TENM4: variants seen among roughly 807,000 people sequenced by gnomAD.
TENM4 encodes teneurin transmembrane protein 4.
TENM4 carries 82 observed loss-of-function variants against 243.3 expected under a neutral mutation model. The observed-to-expected ratio is 0.34, with a 90% CI of 0.28 to 0.40. TENM4 has a LOEUF of 0.40. Ranked by LOEUF, TENM4 falls within the 10% of genes least tolerant of loss-of-function variation. The pLI is 1.00. For synonymous variants in TENM4, 1,412 were observed against 1,456.3 expected (o/e 0.97, Z 0.69); for missense variants, 3,138 against 3,673.3 (o/e 0.85, Z 3.77).
rs374968391 is a variant in TENM4, at chr11:78,903,428, T to G, written c.589A>C (p.Ile197Leu). ...AAGTTGCCCCGGTTCAGGGAGTTAA[T>G]GGAGGCCGCGTGGTGCTGGTTGGGG... ...HTPNQHHAAS[I>L]NSLNRGNFTP... Residue 197 changes from isoleucine to leucine, a missense_variant, in exon 7 of 34, where the codon ATT becomes CTT. This residue lies in a region of TENM4 where 671 missense variants were observed against 614.1 expected (regional missense o/e 1.09). Transcript: ENST00000278550. 1.8e-3 allele frequency: 2,748 copies of G among 1,547,258 alleles called. 56 individuals are homozygous for G. The highest frequency in any genetic ancestry group is 2.6e-4 in the Non-Finnish European group (299 of 1,145,000).
At chr11:79,195,071 GAAGCCCC>G (rs1160199389) in intron 3 of TENM4, among the ~76,000 whole-genome samples, 1 of 152,218 alleles carries the variant, frequency 6.6e-6, no homozygotes, top group African/African-American at 2.4e-5. Context: ...TCACAGGCTG[GAAGCCCC>G]AAGCCTTGGC....
intron 6 of TENM4, among the ~76,000 whole-genome samples, chr11:78,929,367 T>C (rs578184474): frequency 2.6e-5 from 4 of 152,248 alleles, no homozygotes; most frequent in African/African-American, 9.6e-5. Context: ...AAAAGAAGTC[T>C]CCAGCAACTT....
At chr11:79,400,723 A>G (rs1001563147) in intron 1 of TENM4, among the ~76,000 whole-genome samples, 6 of 152,260 alleles carry the variant, frequency 3.9e-5, no homozygotes, top group Non-Finnish European at 5.9e-5. Flanking sequence ...GTTGATGCAT[A>G]GCACAGTGCC....
intron 33 of TENM4, among the ~76,000 whole-genome samples, chr11:78,660,416 T>C (rs1409878218): frequency 6.6e-6 from 1 of 152,102 alleles, no homozygotes; most frequent in African/African-American, 2.4e-5. Flanking sequence ...ACTTACCCTC[T>C]TGGGGCTCAT....
intron 1 of TENM4, among the ~76,000 whole-genome samples, chr11:79,400,298 G>A (rs979750322): frequency 2.0e-5 from 3 of 151,644 alleles, no homozygotes; most frequent in African/African-American, 4.8e-5. Context: ...TCCATGGTCC[G>A]CTTCCTTAAC....
chr11:78,780,462 C>A (rs1325432250), intron 16 of TENM4, among the ~76,000 whole-genome samples: 1 of 152,082 alleles, frequency 6.6e-6, no homozygotes, highest in Non-Finnish European at 1.5e-5. Flanking sequence ...AACTCTGAAT[C>A]CAGTTATAGA....
intron 29 of TENM4, among the ~76,000 whole-genome samples, chr11:78,686,584 A>G (rs776472031): frequency 2.0e-5 from 3 of 152,058 alleles, no homozygotes; most frequent in Non-Finnish European, 4.4e-5. Context: ...TGAGCCCTCA[A>G]CCGGTGGGAT....
Position 78,701,631 on chromosome 11 carries a change from T to C in TENM4, c.4982A>G (p.Lys1661Arg). Residue 1661 changes from lysine to arginine, a missense_variant, in exon 28 of 34, where the codon AAG (lysine) becomes AGG (arginine). Physicochemically the swap from Lys to Arg is conservative, Grantham distance 26 (BLOSUM62 2). Transcript: ENST00000278550. ...CTCGTGTCCTTGTGTGGTCACACTCTTGAGTGCACTGTTGGTGCCCATGGT... is the reference window on the plus strand; with the variant it reads ...CTCGTGTCCTTGTGTGGTCACACTCCTGAGTGCACTGTTGGTGCCCATGGT... ...WVTMGTNSAL[K>R]SVTTQGHELA... The C allele has an allele frequency of 6.2e-7, 1 of 1,613,912 alleles. No individual in the cohort carries two copies. Among genetic ancestry groups the C allele is most frequent in the Non-Finnish European group, 8.5e-7 (1 of 1,179,788 alleles).
In TENM4 at chr11:78,668,192, CT is replaced by C. The variant is rs5792812; in HGVS notation, c.7408+744del. On this transcript the variant is annotated intron_variant, in intron 32 of 33. Coordinates refer to ENST00000278550, the MANE Select transcript of TENM4 (RefSeq NM_001098816.3). ...TCTATTGTTGCATGTGTTCCTTATT[CT>C]TTTTTTTCCCTCTTTTCCTGCCCTC... is the stretch of plus-strand genomic sequence containing the variant. Among the ~76,000 whole-genome samples the C allele has an allele frequency of 9.4e-3, 1,425 of 152,132 alleles. 22 individuals carry two copies. Among genetic ancestry groups the C allele is most frequent in the African/African-American group, 0.032 (1,316 of 41,502 alleles).
chr11:79,170,010 C>T (rs1863004646), intron 3 of TENM4, among the ~76,000 whole-genome samples: 2 of 152,164 alleles, frequency 1.3e-5, no homozygotes, highest in South Asian at 2.1e-4. Flanking sequence ...GGCATCTTTG[C>T]CCCTAAAGAG....
At chr11:79,208,921 G>A (rs1247039762) in intron 3 of TENM4, among the ~76,000 whole-genome samples, 2 of 152,168 alleles carry the variant, frequency 1.3e-5, no homozygotes, top group Non-Finnish European at 2.9e-5. Context: ...TTCTCAGCGG[G>A]TAAGTCAAGG....
At chr11:78,720,292 A>C (rs1198059465) in intron 25 of TENM4, 78 bp downstream of exon 25, 11 of 1,529,470 alleles carry the variant, frequency 7.2e-6, no homozygotes, top group Non-Finnish European at 1.0e-5. Context: ...CAGCCATTTG[A>C]AATTGACATG....
chr11:79,139,777 A>AATATATATATTATATATATAT (rs1231182496), intron 4 of TENM4, among the ~76,000 whole-genome samples: 3 of 26,790 alleles, frequency 1.1e-4, no homozygotes, highest in African/African-American at 6.5e-4. Context: ...ATAAATATAT[A>AATATATATATTATATATATAT]ATATATATTA....
chr11:78,718,716 A>G (rs983450548), intron 25 of TENM4, among the ~76,000 whole-genome samples: 1 of 152,230 alleles, frequency 6.6e-6, no homozygotes, highest in East Asian at 1.9e-4. Flanking sequence ...TATCATCCAT[A>G]CAAATCTCAT....
At chr11:79,380,764 G>T (rs183711722) in intron 1 of TENM4, among the ~76,000 whole-genome samples, 1 of 152,130 alleles carries the variant, frequency 6.6e-6, no homozygotes, top group African/African-American at 2.4e-5. Flanking sequence ...CATCAAATTC[G>T]TTTCATTCTT....
At chr11:78,881,960 A>G (rs1319065291) in intron 9 of TENM4, among the ~76,000 whole-genome samples, 7 of 152,224 alleles carry the variant, frequency 4.6e-5, no homozygotes, top group African/African-American at 1.7e-4. Flanking sequence ...GAAGGAATCG[A>G]TCTTGGAGAG....
chr11:78,884,777 G>A (rs1374263414), intron 9 of TENM4, among the ~76,000 whole-genome samples: 3 of 152,208 alleles, frequency 2.0e-5, no homozygotes, highest in Non-Finnish European at 2.9e-5. Flanking sequence ...AAAATAATTC[G>A]AAAGCATCAG....
At chr11:78,968,258 T>C (rs114086948) in intron 6 of TENM4, among the ~76,000 whole-genome samples, 253 of 152,338 alleles carry the variant, frequency 1.7e-3, no homozygotes, top group African/African-American at 6.0e-3. Context: ...TGTGCTTGTA[T>C]AGCCTGTAGC....
rs868255926 is a variant in TENM4 at position 78,982,544 on chromosome 11, G to C, written c.494-79021C>G. Among the ~76,000 whole-genome samples the C allele has an allele frequency of 2.0e-5, 3 of 152,190 alleles. No homozygotes were observed. In the South Asian group the frequency reaches 6.2e-4, roughly 32 times the overall value. ...ACAGCATCTCAAGTGGTCATGCTGG[G>C]CCCTGCCCCTCTGGCTCTCCTCACA... On this transcript the variant is annotated intron_variant, in intron 6 of 33. Coordinates refer to ENST00000278550, the MANE Select transcript of TENM4 (RefSeq NM_001098816.3).
Sources: gnomAD v4.1 joint callset for allele counts (sites outside exome capture counted in the v4.1 genomes callset) on GRCh38, gnomAD v4.1.1 for gene constraint, gnomAD v4.1.1 regional missense constraint, MANE v1.5 for transcripts, NCBI Gene and HGNC (gene_info 2026-07-23, HGNC 2026-07-21) for gene names.